GLT8D2: variants seen among roughly 807,000 people sequenced by gnomAD.
GLT8D2 encodes glycosyltransferase 8 domain-containing protein 2.
Under a neutral mutation model 44.5 loss-of-function variants are expected in GLT8D2, and 45 were observed. The ratio of observed to expected loss-of-function variants is 1.01; its 90% confidence interval spans 0.80 to 1.30. GLT8D2 has a LOEUF of 1.30. GLT8D2 is among the 50% of genes most tolerant of loss of function. GLT8D2 has a pLI of 0.00. For missense variants in GLT8D2, 400 were observed against 430.4 expected (o/e 0.93, Z 0.62); for synonymous variants, 156 against 157.2 (o/e 0.99, Z 0.06).
upstream of GLT8D2, among the ~76,000 whole-genome samples, chr12:104,051,779 G>A (rs1881754177): frequency 6.6e-6 from 1 of 151,300 alleles, no homozygotes; most frequent in Non-Finnish European, 1.5e-5. Context: ...TTGAAATTTG[G>A]TGTGTGTTGT....
At chr12:104,031,579 C>T in intron 1 of GLT8D2, 1 of 1,610,018 alleles carries the variant, frequency 6.2e-7, no homozygotes, top group Non-Finnish European at 8.5e-7. Flanking sequence ...CAGGAGCACC[C>T]TCCCTGCCCA....
At chr12:104,026,426 T>G (rs1160600516) in intron 1 of GLT8D2, among the ~76,000 whole-genome samples, 1 of 152,220 alleles carries the variant, frequency 6.6e-6, no homozygotes, top group Non-Finnish European at 1.5e-5. Context: ...TGGAGTATTT[T>G]ATTTGTGCTC....
At chr12:103,996,060 G>A (rs1344719252) in intron 8 of GLT8D2, among the ~76,000 whole-genome samples, 1 of 152,142 alleles carries the variant, frequency 6.6e-6, no homozygotes, top group Non-Finnish European at 1.5e-5. Context: ...ATTGAATCTG[G>A]TCCCAGAGCC....
Position 103,999,509 on chromosome 12 carries a change from C to T in GLT8D2, c.290G>A (p.Trp97Ter), listed in dbSNP as rs765392869. The change falls in exon 6 of 11, where the codon TGG (tryptophan) becomes TAG (stop). Residue 97 changes from tryptophan to a stop codon, truncating the protein, a stop_gained. Coordinates refer to ENST00000360814, the MANE Select transcript of GLT8D2 (RefSeq NM_001384711.1). LOFTEE classifies it high-confidence loss of function. ...LRNTLTRIRKWIEHSKLREIN... is the reference protein window; with the variant it reads ...LRNTLTRIRK ...TTCTCTCAGTTTGGAATGTTCAATCCATTTTCTAAAAAGATGACCAAAAAA... is the reference window on the plus strand; with the variant it reads ...TTCTCTCAGTTTGGAATGTTCAATCTATTTTCTAAAAAGATGACCAAAAAA... The T allele has an allele frequency of 6.3e-6, 10 of 1,598,230 alleles. No individual in the cohort carries two copies. The South Asian group carries it at 1.1e-4, about 18-fold the overall frequency.
intron 1 of GLT8D2, among the ~76,000 whole-genome samples, chr12:104,059,074 T>C (rs1421718253): frequency 6.6e-6 from 1 of 152,224 alleles, no homozygotes; most frequent in Non-Finnish European, 1.5e-5. Context: ...ATTTAAAACT[T>C]ACAAATTGCT....
chr12:104,055,381 G>T (rs1362523438), intron 1 of GLT8D2, among the ~76,000 whole-genome samples: 1 of 152,212 alleles, frequency 6.6e-6, no homozygotes, highest in African/African-American at 2.4e-5. Flanking sequence ...TGCATTATAT[G>T]AATGGGGTCC....
intron 1 of GLT8D2, among the ~76,000 whole-genome samples, chr12:104,028,527 G>A (rs1307644373): frequency 6.6e-6 from 1 of 152,110 alleles, no homozygotes; most frequent in African/African-American, 2.4e-5. Flanking sequence ...GTGGGCCTTG[G>A]AGTCAGACCA....
rs886725428 is a variant in GLT8D2, at chr12:104,056,919, T to TA, written c.-422-6632dup. The stretch of plus-strand genomic sequence containing the variant: ...GCCTCTTTATCTCCAAGTAACATTG[T>TA]AAAAAATGGACGATAGAATTTGCCA... On this transcript the variant is annotated intron_variant, in intron 1 of 10. Transcript: ENST00000548660. Among the ~76,000 whole-genome samples, 37 of 152,256 alleles carry TA rather than the reference T, an allele frequency of 2.4e-4. 1 individual carries two copies. The highest frequency in any genetic ancestry group is 6.8e-3 in the Middle Eastern group (2 of 294).
chr12:104,035,400 T>C (rs950714273), intron 1 of GLT8D2, among the ~76,000 whole-genome samples: 1 of 152,174 alleles, frequency 6.6e-6, no homozygotes, highest in African/African-American at 2.4e-5. Flanking sequence ...GAACCCATTA[T>C]AAGGAAGCTA....
At chr12:104,062,415 A>G (rs922157405) in intron 1 of GLT8D2, among the ~76,000 whole-genome samples, 2 of 152,068 alleles carry the variant, frequency 1.3e-5, no homozygotes, top group Non-Finnish European at 2.9e-5. Flanking sequence ...CTCTCAAAAA[A>G]AGCTTAGATA....
At chr12:104,063,187 C>CTAT (rs1882833490) in intron 1 of GLT8D2, among the ~76,000 whole-genome samples, 1 of 152,164 alleles carries the variant, frequency 6.6e-6, no homozygotes, top group Non-Finnish European at 1.5e-5. Flanking sequence ...CTGAAACAGG[C>CTAT]AGTCACAAGG....
upstream of GLT8D2, among the ~76,000 whole-genome samples, chr12:104,054,907 T>G (rs2136536482): frequency 6.6e-6 from 1 of 152,254 alleles, no homozygotes; most frequent in African/African-American, 2.4e-5. Flanking sequence ...TCAGTCAGGG[T>G]CCTGGCAGGA....
At chr12:104,021,841 G>GGAAGGA (rs142102172) in intron 1 of GLT8D2, among the ~76,000 whole-genome samples, 2 of 105,364 alleles carry the variant, frequency 1.9e-5, no homozygotes, top group South Asian at 2.9e-4. Context: ...GAGAAAGGAA[G>GGAAGGA]GAAGGAGAAG....
intron 9 of GLT8D2, 119 bp downstream of exon 9, chr12:103,994,216 A>T: frequency 1.1e-6 from 1 of 913,818 alleles, no homozygotes; most frequent in Non-Finnish European, 1.6e-6. Flanking sequence ...TTGCCTCTGT[A>T]AGAAAATCTG....
intron 4 of GLT8D2, among the ~76,000 whole-genome samples, chr12:104,006,771 CATAAGG>C (rs1875064565): frequency 1.3e-5 from 2 of 152,202 alleles, no homozygotes; most frequent in South Asian, 4.1e-4. Flanking sequence ...GATTCTAGCA[CATAAGG>C]CTGTGAGCCC....
In GLT8D2 at chr12:103,989,494, C is replaced by A. The variant is rs983356145; in HGVS notation, c.964G>T (p.Asp322Tyr). The part of the protein sequence containing the change: ...LHWNGRHKPW[D>Y]FPSVHNDLWE... ...AAGTCGTTGTGAACACTAGGGAAGT[C>A]CCAAGGTTTATGTCTTCCATTCCAG... Residue 322 changes from aspartate to tyrosine, a missense_variant, in exon 11 of 11, where the codon GAC becomes TAC. Coordinates refer to ENST00000360814, the MANE Select transcript of GLT8D2 (RefSeq NM_001384711.1). 16 of 1,613,730 alleles carry A rather than the reference C, an allele frequency of 9.9e-6. 1 individual carries two copies. Among genetic ancestry groups the A allele is most frequent in the Admixed American group, 6.7e-5 (4 of 60,000 alleles).
chr12:104,033,664 C>G (rs574427452), intron 1 of GLT8D2, among the ~76,000 whole-genome samples: 1 of 151,316 alleles, frequency 6.6e-6, no homozygotes, highest in African/African-American at 2.4e-5. Context: ...ACTGCACATA[C>G]GCAAAAGGCA....
chr12:104,053,187 A>G (rs1364288735), upstream of GLT8D2, among the ~76,000 whole-genome samples: 1 of 152,126 alleles, frequency 6.6e-6, no homozygotes, highest in African/African-American at 2.4e-5. Context: ...AATTTCCTTC[A>G]CAGATCATGT....
intron 10 of GLT8D2, among the ~76,000 whole-genome samples, chr12:103,991,612 G>C (rs1196448707): frequency 6.6e-6 from 1 of 152,100 alleles, no homozygotes; most frequent in African/African-American, 2.4e-5. Flanking sequence ...CTTCTACTTT[G>C]ATGGGATCTG....
Sources: allele counts gnomAD v4.1 joint callset (sites outside exome capture counted in the v4.1 genomes callset), GRCh38; gene constraint gnomAD v4.1.1; transcripts MANE v1.5; gene names NCBI Gene and HGNC (gene_info 2026-07-23, HGNC 2026-07-21).